Variants in AGBL1 observed in about 807,000 individuals in gnomAD.
AGBL1 encodes cytosolic carboxypeptidase 4.
AGBL1 carries 130 observed loss-of-function variants against 118.9 expected under a neutral mutation model. The observed-to-expected ratio is 1.09, with a 90% CI of 0.95 to 1.26. The LOEUF (loss-of-function observed/expected upper bound fraction) is 1.26, where lower values mean the gene tolerates loss of function less well. Ranked by LOEUF, AGBL1 falls within the 50% of genes most tolerant of loss-of-function variation. AGBL1 has a pLI of 0.00. For missense variants in AGBL1, 1,584 were observed against 1,298.1 expected (o/e 1.22, Z -3.38); for synonymous variants, 555 against 478.9 (o/e 1.16, Z -2.08).
At chr15:86,592,346 G>A (rs962422914) in intron 21 of AGBL1, among the ~76,000 whole-genome samples, 3 of 152,224 alleles carry the variant, frequency 2.0e-5, no homozygotes, top group African/African-American at 7.2e-5. Flanking sequence ...GAGAGACCAA[G>A]GCAAGTTTTA....
intron 17 of AGBL1, among the ~76,000 whole-genome samples, chr15:86,300,708 C>A (rs368753140): frequency 9.7e-4 from 148 of 152,184 alleles, no homozygotes; most frequent in African/African-American, 3.4e-3. Context: ...CACAACTGTT[C>A]TTTCCAGGGG....
intron 6 of AGBL1, among the ~76,000 whole-genome samples, chr15:86,236,948 GGGGC>G (rs1235086813): frequency 0.024 from 420 of 17,326 alleles, 7 homozygotes; most frequent in Middle Eastern, 0.042. Flanking sequence ...GGGGCGGGGG[GGGGC>G]GGGGGGGCGC....
At chr15:86,458,673 T>C (rs907622624) in intron 18 of AGBL1, among the ~76,000 whole-genome samples, 1 of 152,184 alleles carries the variant, frequency 6.6e-6, no homozygotes, top group Non-Finnish European at 1.5e-5. Flanking sequence ...ACATTTACTG[T>C]CCCATTTAAG....
intron 5 of AGBL1, among the ~76,000 whole-genome samples, chr15:86,174,072 T>TAAAACCATGC (rs1263507342): frequency 2.0e-5 from 3 of 152,122 alleles, no homozygotes; most frequent in Non-Finnish European, 4.4e-5. Context: ...TATCAATTCT[T>TAAAACCATGC]TCAATCCATG....
chr15:86,205,102 T>C (rs2077970219), intron 5 of AGBL1, among the ~76,000 whole-genome samples: 1 of 152,230 alleles, frequency 6.6e-6, no homozygotes, highest in South Asian at 2.1e-4. Flanking sequence ...CCTTTTATTA[T>C]GTTGGGGGTA....
chr15:86,940,657 C>T (rs2080738964), intron 23 of AGBL1, among the ~76,000 whole-genome samples: 1 of 152,190 alleles, frequency 6.6e-6, no homozygotes, highest in Admixed American at 6.5e-5. Context: ...CATCACCAAA[C>T]CAAAACTGAG....
At chr15:86,121,136 G>C (rs1597421132) in intron 1 of AGBL1, among the ~76,000 whole-genome samples, 1 of 152,120 alleles carries the variant, frequency 6.6e-6, no homozygotes, top group East Asian at 1.9e-4. Context: ...GACCTCAGGT[G>C]ATCTGCCCGC....
chr15:86,722,410 G>C (rs1261007869), intron 22 of AGBL1, among the ~76,000 whole-genome samples: 1 of 152,166 alleles, frequency 6.6e-6, no homozygotes, highest in African/African-American at 2.4e-5. Context: ...ATGGGGAAAG[G>C]ATTCCCTGTT....
At chr15:86,629,188 G>A (rs78951828) in intron 21 of AGBL1, among the ~76,000 whole-genome samples, 1,809 of 152,146 alleles carry the variant, frequency 0.012, 27 homozygotes, top group East Asian at 0.077. Flanking sequence ...GTTTCTATGA[G>A]TTCAACTTTT....
intron 23 of AGBL1, among the ~76,000 whole-genome samples, chr15:86,986,401 C>T (rs576715330): frequency 3.9e-5 from 6 of 152,118 alleles, no homozygotes; most frequent in African/African-American, 1.2e-4. Context: ...CACACACTAC[C>T]GTACTTTCTT....
intron 1 of AGBL1, among the ~76,000 whole-genome samples, chr15:86,120,652 A>G (rs1156251797): frequency 2.0e-5 from 3 of 152,076 alleles, no homozygotes; most frequent in African/African-American, 7.2e-5. Context: ...GTTTCTCACT[A>G]ATTGTGGATC....
At chr15:86,526,758 C>T (rs1473732567) in intron 19 of AGBL1, among the ~76,000 whole-genome samples, 1 of 151,580 alleles carries the variant, frequency 6.6e-6, no homozygotes, top group African/African-American at 2.4e-5. Context: ...TGAAGTAACC[C>T]AGGAATGAAA....
intron 17 of AGBL1, among the ~76,000 whole-genome samples, chr15:86,298,499 C>T (rs960089947): frequency 2.0e-5 from 3 of 151,306 alleles, no homozygotes; most frequent in African/African-American, 7.3e-5. Context: ...GCCTGTAAAT[C>T]AGAAATGGAA....
chr15:86,235,838 T>C (rs1171207099), intron 6 of AGBL1, among the ~76,000 whole-genome samples: 1 of 152,046 alleles, frequency 6.6e-6, no homozygotes, highest in Admixed American at 6.6e-5. Context: ...TGGGAGAGGG[T>C]GTGCTGCTGG....
intron 21 of AGBL1, among the ~76,000 whole-genome samples, chr15:86,599,700 T>C (rs1364336052): frequency 6.6e-6 from 1 of 152,160 alleles, no homozygotes; most frequent in African/African-American, 2.4e-5. Flanking sequence ...TTTTCATTCT[T>C]ACCCAATATC....
intron 21 of AGBL1, among the ~76,000 whole-genome samples, chr15:86,578,304 C>A (rs1302133232): frequency 6.6e-6 from 1 of 151,942 alleles, no homozygotes; most frequent in African/African-American, 2.4e-5. Flanking sequence ...GGATGTAGCC[C>A]CTTCATTTTG....
At chr15:86,272,232 G>C (rs2079173695) in intron 15 of AGBL1, among the ~76,000 whole-genome samples, 2 of 152,170 alleles carry the variant, frequency 1.3e-5, no homozygotes, top group Non-Finnish European at 2.9e-5. Context: ...TCCTTGATCA[G>C]TCGCCAGTTT....
intron 17 of AGBL1, among the ~76,000 whole-genome samples, chr15:86,319,743 G>GTTTTTTTTTTTTTTTTTTT (rs139831044): frequency 4.2e-5 from 2 of 47,254 alleles, no homozygotes; most frequent in Non-Finnish European, 7.2e-5. Flanking sequence ...CTCTTTGGTA[G>GTTTTTTTTTTTTTTTTTTT]TTTTTTTTTT....
chr15:86,956,487 C>T (rs1218927350), intron 23 of AGBL1, among the ~76,000 whole-genome samples: 2 of 151,966 alleles, frequency 1.3e-5, no homozygotes, highest in Non-Finnish European at 2.9e-5. Flanking sequence ...GTTGATCTTG[C>T]ATACTTGAGT....
Sources: allele counts gnomAD v4.1 joint callset (sites outside exome capture counted in the v4.1 genomes callset), GRCh38; gene constraint gnomAD v4.1.1; transcripts MANE v1.5; gene names NCBI Gene and HGNC (gene_info 2026-07-23, HGNC 2026-07-21).